LAMB1: variants seen among roughly 807,000 people sequenced by gnomAD.
LAMB1 encodes the protein laminin subunit beta 1.
LAMB1 carries 121 observed loss-of-function variants against 222.3 expected under a neutral mutation model. The observed-to-expected ratio is 0.54, with a 90% CI of 0.47 to 0.63. LAMB1 has a LOEUF of 0.63. LAMB1 is among the 30% of genes least tolerant of loss of function. The probability of loss-of-function intolerance (pLI) is 0.00; values close to 1 mark genes in which losing one functional copy is unlikely to be tolerated. For synonymous variants in LAMB1, 794 were observed against 807.2 expected (o/e 0.98, Z 0.28); for missense variants, 2,172 against 2,240.8 (o/e 0.97, Z 0.62).
chr7:107,928,960 A>C (rs2032636686), intron 31 of LAMB1, 104 bp downstream of exon 31: 8 of 1,087,438 alleles, frequency 7.4e-6, no homozygotes, highest in East Asian at 2.4e-5. Context: ...GGAATCCTTT[A>C]ATGTTGAGTT....
At chr7:107,978,415 A>T (rs2033910207) in intron 8 of LAMB1, among the ~76,000 whole-genome samples, 1 of 151,912 alleles carries the variant, frequency 6.6e-6, no homozygotes, top group Non-Finnish European at 1.5e-5. Context: ...TTTACTGAGT[A>T]TCTATGAAAA....
intron 26 of LAMB1, chr7:107,936,221 C>CT (rs2032842888): frequency 6.6e-6 from 1 of 152,118 alleles, no homozygotes; most frequent in Non-Finnish European, 1.5e-5. Flanking sequence ...CTACAGATTA[C>CT]TTTTAAATAT....
In LAMB1 at chr7:107,975,148, A is replaced by G; in HGVS notation, c.1370-50T>C. ...AGAAACACAGACCACGTGAGTTTCA[A>G]ATAATAATCTGGCTTTGGAATTACA... On this transcript the variant is annotated intron_variant, in intron 11 of 33. Coordinates refer to ENST00000222399, the MANE Select transcript of LAMB1 (RefSeq NM_002291.3). 2.6e-6 allele frequency: 4 copies of G among 1,549,892 alleles called. No individual in the cohort carries two copies. The East Asian group carries it at 9.0e-5, about 35-fold the overall frequency.
rs746422751 is a variant in LAMB1 at position 107,953,519 on chromosome 7, G to C, written c.3079+11C>G. ...ATTCTAAGAAGTGGGCAGAATAAAT[G>C]TGCATCTTACTTCGACAGTCCTGCT... On this transcript the variant is annotated intron_variant, in intron 22 of 33. Transcript: ENST00000222399. 6.3e-7 allele frequency: 1 copy of C among 1,576,976 alleles called. No homozygotes were observed. The highest frequency in any genetic ancestry group is 8.7e-7 in the Non-Finnish European group (1 of 1,146,298).
intron 24 of LAMB1, among the ~76,000 whole-genome samples, chr7:107,947,720 AAG>A (rs2033147495): frequency 6.6e-6 from 1 of 152,176 alleles, no homozygotes. Flanking sequence ...GCTTTCTCCA[AAG>A]AGTGCTAAAA....
chr7:107,999,988 T>C (rs1204332334), intron 3 of LAMB1: 1 of 152,174 alleles, frequency 6.6e-6, no homozygotes, highest in East Asian at 1.9e-4. Flanking sequence ...GTCTTTCCAG[T>C]TGCTTTTAAT....
chr7:107,936,960 G>T, intron 26 of LAMB1, 133 bp downstream of exon 26: 1 of 692,984 alleles, frequency 1.4e-6, no homozygotes, highest in Non-Finnish European at 2.3e-6. Context: ...CCTCATTTGT[G>T]CCAGAAACTG....
At chr7:107,978,356 G>C (rs1339175703) in intron 8 of LAMB1, among the ~76,000 whole-genome samples, 189 bp from the exon 9 acceptor site, 2 of 151,604 alleles carry the variant, frequency 1.3e-5, no homozygotes, top group Non-Finnish European at 2.9e-5. Context: ...ATGGCTACAT[G>C]CCTCATCTCT....
chr7:107,983,773 C>A (rs964696246), intron 7 of LAMB1, among the ~76,000 whole-genome samples: 1 of 152,026 alleles, frequency 6.6e-6, no homozygotes, highest in Non-Finnish European at 1.5e-5. Flanking sequence ...GCCTAGGCCT[C>A]TCAAAGTGCT....
chr7:107,993,317 A>G (rs1584540016), intron 5 of LAMB1, among the ~76,000 whole-genome samples: 1 of 151,930 alleles, frequency 6.6e-6, no homozygotes, highest in Non-Finnish European at 1.5e-5. Flanking sequence ...TATTTTCAGT[A>G]GAGCCGGGGT....
intron 24 of LAMB1, among the ~76,000 whole-genome samples, chr7:107,948,769 T>C (rs1231457040): frequency 6.6e-6 from 1 of 152,158 alleles, no homozygotes; most frequent in Non-Finnish European, 1.5e-5. Flanking sequence ...ACCTACACTC[T>C]TGGCTATGGG....
intron 5 of LAMB1, among the ~76,000 whole-genome samples, chr7:107,990,025 G>T (rs1176885172): frequency 2.5e-5 from 3 of 118,530 alleles, no homozygotes; most frequent in East Asian, 2.2e-4. Context: ...TGAGTTTTTT[G>T]TGTTTTTTTT....
intron 32 of LAMB1, among the ~76,000 whole-genome samples, chr7:107,925,096 T>C (rs924130169): frequency 6.6e-6 from 1 of 152,140 alleles, no homozygotes; most frequent in South Asian, 2.1e-4. Flanking sequence ...CTGTCTGATA[T>C]TGTGGCAGTG....
chr7:107,985,992 A>G, intron 7 of LAMB1, 30 bp downstream of exon 7: 2 of 1,541,202 alleles, frequency 1.3e-6, no homozygotes, highest in Non-Finnish European at 1.8e-6. Flanking sequence ...CAAACTAACA[A>G]AAAACACTTT....
chr7:107,971,888 T>C (rs1421235434), intron 13 of LAMB1, among the ~76,000 whole-genome samples: 2 of 152,218 alleles, frequency 1.3e-5, no homozygotes, highest in Admixed American at 6.5e-5. Context: ...GAATTGCATA[T>C]GCCACTTTTA....
Position 108,001,718 on chromosome 7 carries a change from C to G in LAMB1, c.53G>C (p.Arg18Pro). 1.2e-6 allele frequency: 2 copies of G among 1,612,740 alleles called. No homozygotes were observed. The highest frequency in any genetic ancestry group is 2.2e-5 in the East Asian group (1 of 44,828). The change falls in exon 3 of 34, where the codon CGA becomes CCA. Residue 18 changes from arginine (R) to proline (P), a missense_variant. By Grantham distance (103) the Arg-to-Pro change is moderately radical. Coordinates refer to ENST00000222399, the MANE Select transcript of LAMB1 (RefSeq NM_002291.3). ...AFSFLALCRA[R>P]VRAQEPEFSY... ...GAACTCGGGTTCCTGAGCGCGCACT[C>G]GGGCTCTGCACAGGGCTGCGGGAAG...
rs748405251 is a variant in LAMB1, at chr7:107,923,917, C to G, written c.*34G>C. Reference sequence around the variant, plus strand: ...AGTTTTTAAAATGTAGTTGTTTTACCTTGTTCACCTCAGCCATTTTTTATT... The same window carrying G: ...AGTTTTTAAAATGTAGTTGTTTTACGTTGTTCACCTCAGCCATTTTTTATT... On this transcript the variant is annotated 3_prime_UTR_variant, in exon 34 of 34. Transcript: ENST00000222399. 6.3e-7 allele frequency: 1 copy of G among 1,575,430 alleles called. No individual in the cohort carries two copies. Among genetic ancestry groups the G allele is most frequent in the Non-Finnish European group, 8.6e-7 (1 of 1,165,968 alleles).
In LAMB1 at chr7:107,975,215, T is replaced by C; in HGVS notation, c.1369+19A>G. On this transcript the variant is annotated intron_variant, in intron 11 of 33. Coordinates refer to ENST00000222399, the MANE Select transcript of LAMB1 (RefSeq NM_002291.3). ...TCAAACACAAGAAAACTCCCAAACT[T>C]TTTAGCAAACAGACCTACATTTACA... 6.2e-7 allele frequency: 1 copy of C among 1,600,898 alleles called. No individual in the cohort carries two copies. The highest frequency in any genetic ancestry group is 8.5e-7 in the Non-Finnish European group (1 of 1,170,608).
intron 5 of LAMB1, among the ~76,000 whole-genome samples, chr7:107,993,013 T>C (rs1299016941): frequency 6.6e-6 from 1 of 152,180 alleles, no homozygotes; most frequent in African/African-American, 2.4e-5. Flanking sequence ...TGGCCACACA[T>C]GCCAAGAAGG....
Sources: gnomAD v4.1 joint callset for allele counts (sites outside exome capture counted in the v4.1 genomes callset) on GRCh38, gnomAD v4.1.1 for gene constraint, MANE v1.5 for transcripts, NCBI Gene and HGNC (gene_info 2026-07-23, HGNC 2026-07-21) for gene names.